The following TTC28 variants were observed in gnomAD, a reference collection of about 807,000 sequenced individuals.
TTC28 encodes the protein tetratricopeptide repeat domain 28.
A neutral mutation model predicts 198.0 loss-of-function variants in TTC28; 61 were observed. That is an observed-to-expected ratio of 0.31 (90% confidence interval 0.25 to 0.38). The LOEUF (loss-of-function observed/expected upper bound fraction) is 0.38. Among genes scored for constraint, TTC28 ranks in the 10% least tolerant of loss-of-function variants. The probability of loss-of-function intolerance (pLI) is 1.00; values close to 1 mark genes in which losing one functional copy is unlikely to be tolerated. For synonymous variants in TTC28, 1,171 were observed against 1,297.8 expected (o/e 0.90, Z 2.10); for missense variants, 2,678 against 3,164.0 (o/e 0.85, Z 3.69).
intron 17 of TTC28, among the ~76,000 whole-genome samples, 191 bp from the exon 18 acceptor site, chr22:27,993,709 G>A (rs1382803650): frequency 6.6e-6 from 1 of 152,150 alleles, no homozygotes; most frequent in Admixed American, 6.5e-5. Flanking sequence ...GGCACAGAAG[G>A]GAAGGATTTT....
intron 12 of TTC28, among the ~76,000 whole-genome samples, chr22:28,048,217 C>T (rs772339070): frequency 6.6e-6 from 1 of 152,040 alleles, no homozygotes; most frequent in Admixed American, 6.6e-5. Context: ...ACCCACATAT[C>T]CTGGAGGCCC....
intron 2 of TTC28, among the ~76,000 whole-genome samples, chr22:28,563,465 G>A (rs186216564): frequency 1.2e-4 from 18 of 152,218 alleles, no homozygotes; most frequent in Admixed American, 1.0e-3. Flanking sequence ...TGAGTCAATT[G>A]TAAGAACTGC....
At chr22:28,481,878 A>C (rs1226409100) in intron 2 of TTC28, among the ~76,000 whole-genome samples, 1 of 152,168 alleles carries the variant, frequency 6.6e-6, no homozygotes, top group Non-Finnish European at 1.5e-5. Flanking sequence ...AGGATCCACA[A>C]TAAGGGTAAA....
intron 3 of TTC28, among the ~76,000 whole-genome samples, chr22:28,301,947 G>A (rs560885629): frequency 2.0e-5 from 3 of 152,084 alleles, no homozygotes; most frequent in Admixed American, 2.0e-4. Context: ...TGAGGTGGAA[G>A]GATCACCTGA....
chr22:28,313,167 A>T (rs2045295401), intron 2 of TTC28, among the ~76,000 whole-genome samples: 1 of 152,214 alleles, frequency 6.6e-6, no homozygotes, highest in Non-Finnish European at 1.5e-5. Flanking sequence ...ACCAGGAAGA[A>T]GTTGAATCCC....
At chr22:28,012,661 A>G (rs915689895) in intron 14 of TTC28, among the ~76,000 whole-genome samples, 1 of 152,034 alleles carries the variant, frequency 6.6e-6, no homozygotes, top group Non-Finnish European at 1.5e-5. Flanking sequence ...ACAGTTGTGC[A>G]CCATCATGCC....
chr22:28,450,007 G>A (rs184082163), intron 2 of TTC28, among the ~76,000 whole-genome samples: 1 of 152,298 alleles, frequency 6.6e-6, no homozygotes, highest in Admixed American at 6.5e-5. Flanking sequence ...ACTGAATTCT[G>A]TTTAAGACTT....
At chr22:28,660,370 G>C (rs2051722940) in intron 1 of TTC28, among the ~76,000 whole-genome samples, 1 of 152,152 alleles carries the variant, frequency 6.6e-6, no homozygotes, top group Non-Finnish European at 1.5e-5. Context: ...CTGTTGCCCA[G>C]ACTGGAATGC....
chr22:28,447,279 TAA>T (rs745313855), intron 2 of TTC28, among the ~76,000 whole-genome samples: 2 of 152,062 alleles, frequency 1.3e-5, no homozygotes, highest in Non-Finnish European at 2.9e-5. Context: ...ATTGTAAACC[TAA>T]AGATACATGA....
At chr22:28,047,071 G>C (rs1939896166) in intron 12 of TTC28, among the ~76,000 whole-genome samples, 1 of 152,174 alleles carries the variant, frequency 6.6e-6, no homozygotes, top group South Asian at 2.1e-4. Context: ...TTTGGAGAGA[G>C]TTACCACCAT....
chr22:28,662,051 C>A (rs1019407825), intron 1 of TTC28, among the ~76,000 whole-genome samples: 1 of 152,106 alleles, frequency 6.6e-6, no homozygotes, highest in African/African-American at 2.4e-5. Flanking sequence ...AGTTTTGTAA[C>A]TTTCAATACA....
At chr22:28,634,025 T>A (rs1482669811) in intron 1 of TTC28, among the ~76,000 whole-genome samples, 1 of 152,124 alleles carries the variant, frequency 6.6e-6, no homozygotes, top group African/African-American at 2.4e-5. Context: ...GCAGAAAGAT[T>A]CTAAATACTA....
chr22:28,454,508 C>CCA (rs1207016312), intron 2 of TTC28, among the ~76,000 whole-genome samples: 1 of 152,114 alleles, frequency 6.6e-6, no homozygotes, highest in African/African-American at 2.4e-5. Context: ...AGAGGTCATT[C>CCA]CCCTTAAGAC....
chr22:27,988,407 C>T (rs1452527933), intron 21 of TTC28, among the ~76,000 whole-genome samples: 2 of 151,628 alleles, frequency 1.3e-5, no homozygotes, highest in Non-Finnish European at 2.9e-5. Context: ...CCTGCCTCAG[C>T]CTCCTGAGTA....
At chr22:28,211,280 C>T (rs1314108020) in intron 5 of TTC28, among the ~76,000 whole-genome samples, 2 of 152,106 alleles carry the variant, frequency 1.3e-5, no homozygotes, top group Non-Finnish European at 2.9e-5. Flanking sequence ...TCACACATAA[C>T]AATATTAACC....
chr22:28,077,313 C>A (rs575820458), intron 12 of TTC28, among the ~76,000 whole-genome samples: 2 of 152,246 alleles, frequency 1.3e-5, no homozygotes, highest in South Asian at 4.2e-4. Context: ...TTTACTGAAA[C>A]AGGGTCTCAT....
At chr22:28,070,071 A>G (rs984784106) in intron 12 of TTC28, among the ~76,000 whole-genome samples, 3 of 152,148 alleles carry the variant, frequency 2.0e-5, no homozygotes, top group Non-Finnish European at 2.9e-5. Flanking sequence ...AGTCAGACCC[A>G]TTCTAGCAAT....
intron 2 of TTC28, among the ~76,000 whole-genome samples, chr22:28,412,043 G>A (rs531459647): frequency 6.6e-6 from 1 of 152,344 alleles, no homozygotes; most frequent in South Asian, 2.1e-4. Context: ...AGTAAGGCAA[G>A]TTCTATAAGT....
At chr22:28,123,481 CCCTGA>C (rs1410317104) in intron 6 of TTC28, among the ~76,000 whole-genome samples, 2 of 151,768 alleles carry the variant, frequency 1.3e-5, no homozygotes, top group Non-Finnish European at 2.9e-5. Context: ...GGTCTCAAAT[CCCTGA>C]CCTCAGGTGA....
Sources: allele counts gnomAD v4.1 joint callset (sites outside exome capture counted in the v4.1 genomes callset), GRCh38; gene constraint gnomAD v4.1.1; transcripts MANE v1.5; gene names NCBI Gene and HGNC (gene_info 2026-07-23, HGNC 2026-07-21).